PIK3C2G: variants seen among roughly 807,000 people sequenced by gnomAD.
PIK3C2G encodes the protein phosphatidylinositol-4-phosphate 3-kinase catalytic subunit type 2 gamma, also known as phosphatidylinositol 3-kinase C2 domain-containing subunit gamma.
Under a neutral mutation model 181.1 loss-of-function variants are expected in PIK3C2G, and 168 were observed. The ratio of observed to expected loss-of-function variants is 0.93; its 90% CI spans 0.82 to 1.05. The LOEUF is 1.05. Among genes scored for constraint, PIK3C2G ranks in the 50% least tolerant of loss-of-function variants. PIK3C2G has a pLI of 0.00. For synonymous variants in PIK3C2G, 573 were observed against 592.2 expected, an observed-to-expected ratio of 0.97 and a Z score of 0.47; for missense variants, 1,869 against 1,732.8, an observed-to-expected ratio of 1.08 and a Z score of -1.40.
chr12:18,387,786 G>C (rs774702445), intron 14 of PIK3C2G, among the ~76,000 whole-genome samples: 1 of 152,180 alleles, frequency 6.6e-6, no homozygotes, highest in Non-Finnish European at 1.5e-5. Flanking sequence ...ATCTAGCACA[G>C]TAGTTGGAAT....
intron 1 of PIK3C2G, among the ~76,000 whole-genome samples, chr12:18,250,343 C>A (rs962717549): frequency 6.6e-6 from 1 of 151,900 alleles, no homozygotes; most frequent in Non-Finnish European, 1.5e-5. Context: ...ATGAATTTGC[C>A]GTACATTATT....
chr12:18,547,690 C>G (rs1592550880), intron 26 of PIK3C2G, among the ~76,000 whole-genome samples: 1 of 151,534 alleles, frequency 6.6e-6, no homozygotes, highest in Admixed American at 6.6e-5. Context: ...TTCTTGCTAT[C>G]TAGTTCATTA....
At position 18,313,945 on chromosome 12, in the gene PIK3C2G, A is replaced by G; in HGVS notation, c.1035-17A>G. On this transcript the variant is annotated splice_polypyrimidine_tract_variant and intron_variant, in intron 5 of 32. Transcript: ENST00000538779. ...ATTATGGGAGGATATGATTGTGTTCATTTTTTCCTCCTTCAGCGACCACTG... is the reference window on the plus strand; with the variant it reads ...ATTATGGGAGGATATGATTGTGTTCGTTTTTTCCTCCTTCAGCGACCACTG... The G allele has an allele frequency of 7.4e-7, 1 of 1,347,700 alleles. No individual in the cohort carries two copies. Among genetic ancestry groups the G allele is most frequent in the Non-Finnish European group, 1.0e-6 (1 of 954,776 alleles). The allele number at this position is 1,347,700 out of a possible 1,614,324, so 83.5% of individuals were successfully genotyped here.
chr12:18,695,367 C>T, the PIK3C2G span, among the ~76,000 whole-genome samples: 5 of 152,108 alleles, frequency 3.3e-5, no homozygotes, highest in Admixed American at 3.3e-4. Flanking sequence ...ATGTTCATGT[C>T]AGGTAACACT....
At chr12:18,651,150 C>T (rs972115142), downstream of PIK3C2G, among the ~76,000 whole-genome samples, 1 of 151,990 alleles carries the variant, frequency 6.6e-6, no homozygotes. Flanking sequence ...CAACACTGGC[C>T]TCCTTTGTAT....
chr12:18,446,913 T>C (rs1390808292), intron 18 of PIK3C2G, among the ~76,000 whole-genome samples: 1 of 152,128 alleles, frequency 6.6e-6, no homozygotes, highest in Non-Finnish European at 1.5e-5. Context: ...ATCTCGCTAT[T>C]TAATGCCACA....
At chr12:18,714,842 A>C in the PIK3C2G span, 2 of 152,074 alleles carry the variant, frequency 1.3e-5, no homozygotes, top group African/African-American at 4.8e-5. Context: ...CCCCAACAAC[A>C]AAGAATTATC....
chr12:18,412,125 A>C (rs918122501), intron 16 of PIK3C2G, among the ~76,000 whole-genome samples: 2 of 152,180 alleles, frequency 1.3e-5, no homozygotes, highest in Non-Finnish European at 2.9e-5. Context: ...TAAATGTTTG[A>C]GAAAAGAGAA....
intron 12 of PIK3C2G, among the ~76,000 whole-genome samples, chr12:18,366,735 G>C (rs1185493287): frequency 2.8e-5 from 4 of 141,840 alleles, no homozygotes; most frequent in Non-Finnish European, 4.7e-5. Context: ...CCTGTTCCTT[G>C]GTTTAAAAAA....
intron 1 of PIK3C2G, among the ~76,000 whole-genome samples, chr12:18,264,062 T>C (rs923170539): frequency 2.6e-5 from 4 of 152,188 alleles, no homozygotes; most frequent in Non-Finnish European, 4.4e-5. Context: ...TTGTTGTTTT[T>C]GTTGTTGTTT....
At chr12:18,699,951 C>A in the PIK3C2G span, 1 of 1,606,998 alleles carries the variant, frequency 6.2e-7, no homozygotes, top group South Asian at 1.1e-5. Context: ...GCTTCCTGGT[C>A]TAAAAATAAA....
chr12:18,332,810 T>A (rs900699978), intron 8 of PIK3C2G, among the ~76,000 whole-genome samples: 1 of 152,082 alleles, frequency 6.6e-6, no homozygotes, highest in South Asian at 2.1e-4. Flanking sequence ...TCCACAGAAG[T>A]GGACAGAGCG....
chr12:18,484,185 G>A (rs1939820107), intron 18 of PIK3C2G, among the ~76,000 whole-genome samples: 1 of 152,164 alleles, frequency 6.6e-6, no homozygotes, highest in Non-Finnish European at 1.5e-5. Context: ...GAAGTCACAT[G>A]ACAAAGAGTC....
intron 31 of PIK3C2G, among the ~76,000 whole-genome samples, chr12:18,623,100 A>T (rs1948936177): frequency 6.6e-6 from 1 of 151,770 alleles, no homozygotes. Flanking sequence ...ATGGGATCAA[A>T]TCTAAAAAAT....
intron 24 of PIK3C2G, among the ~76,000 whole-genome samples, chr12:18,509,826 T>C (rs762973162): frequency 6.6e-6 from 1 of 152,238 alleles, no homozygotes; most frequent in South Asian, 2.1e-4. Context: ...AGAGAATTTA[T>C]ACCATCAGAT....
At position 18,619,787 on chromosome 12, in the gene PIK3C2G, C is replaced by T. The variant is rs550501658; in HGVS notation, c.4182+10158C>T. On this transcript the variant is annotated intron_variant, in intron 31 of 32. Transcript: ENST00000538779. Reference sequence around the variant, plus strand: ...GATGGAGTCTCACTCCATAGTGGCGCGATCTCGGCTCACTGCAAGCTCCGC... The same window carrying T: ...GATGGAGTCTCACTCCATAGTGGCGTGATCTCGGCTCACTGCAAGCTCCGC... Among the ~76,000 whole-genome samples, 50 of 149,612 alleles carry T rather than the reference C, an allele frequency of 3.3e-4. 1 individual carries two copies. Among genetic ancestry groups the T allele is most frequent in the Non-Finnish European group, 5.8e-4 (39 of 67,748 alleles).
At chr12:18,724,879 C>G in the PIK3C2G span, among the ~76,000 whole-genome samples, 9 of 151,948 alleles carry the variant, frequency 5.9e-5, no homozygotes, top group Non-Finnish European at 1.3e-4. Flanking sequence ...TACTGAATAG[C>G]AGCATAAAAT....
intron 18 of PIK3C2G, among the ~76,000 whole-genome samples, chr12:18,471,221 C>G (rs999061298): frequency 6.6e-6 from 1 of 152,096 alleles, no homozygotes; most frequent in African/African-American, 2.4e-5. Context: ...GACCAGTTGC[C>G]TTACCTCAGA....
At chr12:18,348,370 T>C (rs949011533) in intron 11 of PIK3C2G, among the ~76,000 whole-genome samples, 5 of 151,898 alleles carry the variant, frequency 3.3e-5, no homozygotes, top group African/African-American at 1.2e-4. Flanking sequence ...TCTAACCAAC[T>C]CTCCTTTTTC....
Sources: allele counts gnomAD v4.1 joint callset (sites outside exome capture counted in the v4.1 genomes callset), GRCh38; gene constraint gnomAD v4.1.1; transcripts MANE v1.5; gene names NCBI Gene and HGNC (gene_info 2026-07-23, HGNC 2026-07-21).